Variants in PLEKHA6 observed in about 807,000 individuals in gnomAD.
PLEKHA6 encodes the protein pleckstrin homology domain-containing family A member 6.
In PLEKHA6, 60 loss-of-function variants were observed where a neutral mutation model predicts 116.7. That is an observed-to-expected ratio of 0.51 (90% confidence interval 0.42 to 0.64). The LOEUF (loss-of-function observed/expected upper bound fraction) is 0.64. Ranked by LOEUF, PLEKHA6 falls within the 30% of genes least tolerant of loss-of-function variation. The pLI, the probability that PLEKHA6 is intolerant of heterozygous loss-of-function variation, is 0.00. For synonymous variants in PLEKHA6, 489 were observed against 556.1 expected, an observed-to-expected ratio of 0.88 and a Z score of 1.70; for missense variants, 1,338 against 1,422.7, an observed-to-expected ratio of 0.94 and a Z score of 0.96.
chr1:204,325,918 G>A lies in PLEKHA6; in HGVS notation c.-95+33776C>T, dbSNP rs377576342. 32 of 984,814 alleles carry A rather than the reference G, an allele frequency of 3.2e-5. 1 individual carries two copies. In the African/African-American group the frequency reaches 3.8e-4, roughly 12 times the overall value. 61.0% of individuals were successfully genotyped at this position (984,814 alleles called of 1,614,324 possible). On this transcript the variant is annotated intron_variant, in intron 1 of 22. Transcript: ENST00000272203. ...TTCCAGGCTGCCAAAGCCAAGCACC[G>A]CTGGGCTGCCATTAACATATAGACT...
Position 204,221,413 on chromosome 1 carries a change from A to G in PLEKHA6, c.*1375T>C, listed in dbSNP as rs539956820. 6.6e-5 allele frequency: 10 copies of G among 152,572 alleles called. No homozygotes were observed. Among genetic ancestry groups the G allele is most frequent in the Non-Finnish European group, 1.2e-4 (8 of 68,038 alleles). The allele number at this position is 152,572 out of a possible 1,614,324, so 9.5% of individuals were successfully genotyped here. On this transcript the variant is annotated 3_prime_UTR_variant, in exon 23 of 23. Coordinates refer to ENST00000272203, the MANE Select transcript of PLEKHA6 (RefSeq NM_014935.5). Reference sequence around the variant, plus strand: ...TCCCTCCTTCCTCCTCTCTGGCTACATTCGTCTCCAGGTGGGTGGAGCTGA... The same window carrying G: ...TCCCTCCTTCCTCCTCTCTGGCTACGTTCGTCTCCAGGTGGGTGGAGCTGA...
intron 6 of PLEKHA6, among the ~76,000 whole-genome samples, chr1:204,264,651 A>G (rs532087605): frequency 6.6e-6 from 1 of 152,242 alleles, no homozygotes; most frequent in African/African-American, 2.4e-5. Flanking sequence ...CCCAGTAACA[A>G]TTGTGGTGCT....
intron 9 of PLEKHA6, chr1:204,251,715 C>A: frequency 1.6e-6 from 1 of 635,850 alleles, no homozygotes; most frequent in Non-Finnish European, 2.9e-6. Flanking sequence ...GAGGGCAGCT[C>A]CCCCAGCACC....
At chr1:204,348,725 G>A (rs1167716845) in intron 1 of PLEKHA6, among the ~76,000 whole-genome samples, 76 of 42,110 alleles carry the variant, frequency 1.8e-3, no homozygotes, top group African/African-American at 6.7e-3. Flanking sequence ...CCCCCCCCCC[G>A]CCATCTCCCC....
intron 1 of PLEKHA6, among the ~76,000 whole-genome samples, chr1:204,334,452 T>G (rs886111914): frequency 6.6e-6 from 1 of 152,220 alleles, no homozygotes; most frequent in African/African-American, 2.4e-5. Flanking sequence ...AACTTGGTCT[T>G]TTTCTATTTG....
chr1:204,292,489 C>A (rs1669868072), intron 1 of PLEKHA6, among the ~76,000 whole-genome samples: 1 of 151,942 alleles, frequency 6.6e-6, no homozygotes, highest in African/African-American at 2.4e-5. Context: ...CTATGTCCCT[C>A]ACCCTGGCTG....
At chr1:204,334,894 T>C (rs971367389) in intron 1 of PLEKHA6, among the ~76,000 whole-genome samples, 1 of 152,032 alleles carries the variant, frequency 6.6e-6, no homozygotes, top group Non-Finnish European at 1.5e-5. Flanking sequence ...CAAGGCTCTG[T>C]CTAAAAAATA....
chr1:204,362,503 C>T (rs1673580497), upstream of PLEKHA6, among the ~76,000 whole-genome samples: 1 of 152,172 alleles, frequency 6.6e-6, no homozygotes, highest in Non-Finnish European at 1.5e-5. Context: ...TTGGTGGCCA[C>T]TAACTTGACT....
intron 1 of PLEKHA6, among the ~76,000 whole-genome samples, chr1:204,300,338 C>T (rs1055769670): frequency 1.7e-4 from 26 of 152,170 alleles, no homozygotes; most frequent in Admixed American, 9.2e-4. Context: ...CCATGCAATG[C>T]GTGGGGAAGC....
At chr1:204,344,362 G>A (rs1672954500) in intron 1 of PLEKHA6, among the ~76,000 whole-genome samples, 1 of 152,086 alleles carries the variant, frequency 6.6e-6, no homozygotes, top group African/African-American at 2.4e-5. Flanking sequence ...CACTTTGGGA[G>A]GCCTAGGCAG....
At chr1:204,356,604 G>A (rs944190581) in intron 1 of PLEKHA6, among the ~76,000 whole-genome samples, 1 of 148,658 alleles carries the variant, frequency 6.7e-6, no homozygotes, top group Non-Finnish European at 1.5e-5. Context: ...TAATAATGCT[G>A]TTAAAGAATA....
At chr1:204,323,221 C>A (rs983386720) in intron 1 of PLEKHA6, among the ~76,000 whole-genome samples, 1 of 152,226 alleles carries the variant, frequency 6.6e-6, no homozygotes, top group Non-Finnish European at 1.5e-5. Context: ...TGGGGGAGGC[C>A]CCCCTCTGCA....
At chr1:204,367,437 T>C (rs1673683848) in intron 3 of PLEKHA6, among the ~76,000 whole-genome samples, 1 of 152,140 alleles carries the variant, frequency 6.6e-6, no homozygotes, top group South Asian at 2.1e-4. Context: ...CTCCACATCC[T>C]GCCCCGCGGC....
At chr1:204,267,891 C>G (rs907260616) in intron 4 of PLEKHA6, among the ~76,000 whole-genome samples, 1 of 152,136 alleles carries the variant, frequency 6.6e-6, no homozygotes, top group African/African-American at 2.4e-5. Context: ...CACCCCTACC[C>G]CCCACCATAA....
At chr1:204,368,332 C>A (rs1290942760) in intron 2 of PLEKHA6, 1 of 152,190 alleles carries the variant, frequency 6.6e-6, no homozygotes, top group African/African-American at 2.4e-5. Context: ...ACTCAAGTCT[C>A]CAAATACCAG....
intron 1 of PLEKHA6, chr1:204,327,154 G>A (rs562158494): frequency 4.5e-6 from 1 of 221,600 alleles, no homozygotes; most frequent in East Asian, 1.8e-4. Flanking sequence ...GCTCAAGGAT[G>A]TAACAGGCGC....
Position 204,228,038 on chromosome 1 carries a change from AGCT to A in PLEKHA6, c.3031+42_3031+44del. 6.3e-7 allele frequency: 1 copy of A among 1,597,302 alleles called. No homozygotes were observed. Among genetic ancestry groups the A allele is most frequent in the Non-Finnish European group, 8.5e-7 (1 of 1,172,266 alleles). On this transcript the variant is annotated intron_variant, in intron 21 of 22. Transcript: ENST00000272203. The surrounding 1 kb of genome is among the most constrained non-coding windows in gnomAD (Gnocchi z 4.0). Reference sequence around the variant, plus strand: ...CACGCTTCCTCCCTTAAACCTGGTCAGCTGGTTTCCCTGGCAGGGTGGAGCGAG... The same window carrying A: ...CACGCTTCCTCCCTTAAACCTGGTCAGGTTTCCCTGGCAGGGTGGAGCGAG...
intron 1 of PLEKHA6, among the ~76,000 whole-genome samples, chr1:204,302,376 G>T (rs1670902527): frequency 6.6e-6 from 1 of 152,200 alleles, no homozygotes. Flanking sequence ...GCCCAGGCTG[G>T]TCTTTGCATT....
intron 1 of PLEKHA6, among the ~76,000 whole-genome samples, chr1:204,303,952 C>A (rs1409993356): frequency 2.0e-5 from 3 of 152,110 alleles, no homozygotes; most frequent in Non-Finnish European, 4.4e-5. Context: ...TGAGCTCAAG[C>A]GATCTGCCCG....
Sources: gnomAD v4.1 joint callset for allele counts (sites outside exome capture counted in the v4.1 genomes callset) on GRCh38, gnomAD v4.1.1 for gene constraint, Gnocchi (gnomAD v3.1) non-coding constraint, MANE v1.5 for transcripts, NCBI Gene and HGNC (gene_info 2026-07-23, HGNC 2026-07-21) for gene names.